PPARGC1A: variants seen among roughly 807,000 people sequenced by gnomAD.
PPARGC1A encodes the protein peroxisome proliferator-activated receptor gamma coactivator 1-alpha.
PPARGC1A carries 25 observed loss-of-function variants against 88.7 expected under a neutral mutation model. The ratio of observed to expected loss-of-function variants is 0.28; its 90% CI spans 0.21 to 0.39. The LOEUF is 0.39. Ranked by LOEUF, PPARGC1A falls within the 10% of genes least tolerant of loss-of-function variation. The pLI is 1.00. For missense variants in PPARGC1A, 880 were observed against 968.7 expected (o/e 0.91, Z 1.22); for synonymous variants, 363 against 355.6 (o/e 1.02, Z -0.24).
At chr4:23,917,376 C>CT in the PPARGC1A span, among the ~76,000 whole-genome samples, 158 of 132,502 alleles carry the variant, frequency 1.2e-3, no homozygotes, top group East Asian at 0.01. Context: ...TTCTTTCTTT[C>CT]TTTTTTTTTT....
the PPARGC1A span, among the ~76,000 whole-genome samples, chr4:24,013,869 G>T: frequency 6.6e-6 from 1 of 152,148 alleles, no homozygotes; most frequent in African/African-American, 2.4e-5. Flanking sequence ...CTTGGGGAAG[G>T]ACCAAGTTTC....
intron 2 of PPARGC1A, among the ~76,000 whole-genome samples, chr4:23,847,372 C>T (rs60762201): frequency 6.6e-6 from 1 of 152,104 alleles, no homozygotes; most frequent in African/African-American, 2.4e-5. Flanking sequence ...AGTCTTCTTT[C>T]CTGAGTCACA....
intron 2 of PPARGC1A, among the ~76,000 whole-genome samples, chr4:23,848,314 A>G (rs1728672091): frequency 6.6e-6 from 1 of 152,212 alleles, no homozygotes; most frequent in Non-Finnish European, 1.5e-5. Flanking sequence ...GTAGACTATA[A>G]CAACCGGCAT....
the PPARGC1A span, among the ~76,000 whole-genome samples, chr4:23,995,576 G>A: frequency 1.1e-4 from 16 of 152,206 alleles, no homozygotes; most frequent in East Asian, 5.8e-4. Flanking sequence ...ATCCAACTGC[G>A]TGTACCTCCT....
chr4:24,097,243 T>C, the PPARGC1A span, among the ~76,000 whole-genome samples: 1 of 152,120 alleles, frequency 6.6e-6, no homozygotes, highest in Admixed American at 6.5e-5. Context: ...TAGATGCAAA[T>C]ATTCAATCTA....
the PPARGC1A span, among the ~76,000 whole-genome samples, chr4:24,172,237 G>A: frequency 4.7e-4 from 72 of 152,288 alleles, no homozygotes; most frequent in African/African-American, 1.6e-3. Flanking sequence ...TTTGCCACCT[G>A]GAAGAAAATA....
chr4:23,875,922 G>A (rs952406782), intron 2 of PPARGC1A: 1 of 152,248 alleles, frequency 6.6e-6, no homozygotes, highest in South Asian at 2.1e-4. Flanking sequence ...CAGCTCTGCT[G>A]TTCACACAGT....
the PPARGC1A span, among the ~76,000 whole-genome samples, chr4:23,967,465 C>T: frequency 3.3e-5 from 5 of 152,144 alleles, no homozygotes; most frequent in South Asian, 2.1e-4. Context: ...ATGCAGACAA[C>T]AGCAGCTCCA....
the PPARGC1A span, among the ~76,000 whole-genome samples, chr4:24,419,667 C>A: frequency 6.6e-6 from 1 of 151,882 alleles, no homozygotes; most frequent in Non-Finnish European, 1.5e-5. Flanking sequence ...GAAAAAGCAA[C>A]TTTTATCTGC....
chr4:24,118,432 T>C, the PPARGC1A span, among the ~76,000 whole-genome samples: 3 of 152,178 alleles, frequency 2.0e-5, no homozygotes, highest in Non-Finnish European at 2.9e-5. Context: ...GAAAACACTT[T>C]TAACTCAACT....
the PPARGC1A span, among the ~76,000 whole-genome samples, chr4:24,138,777 ACAT>A: frequency 6.6e-6 from 1 of 152,190 alleles, no homozygotes; most frequent in African/African-American, 2.4e-5. Context: ...TCAACTAAAA[ACAT>A]CAGCAGAAAT....
chr4:24,430,389 C>G, the PPARGC1A span, among the ~76,000 whole-genome samples: 1 of 151,556 alleles, frequency 6.6e-6, no homozygotes, highest in Non-Finnish European at 1.5e-5. Flanking sequence ...TCCCGAGTAG[C>G]TGGGACTGCA....
At chr4:23,923,089 C>T in the PPARGC1A span, among the ~76,000 whole-genome samples, 128 of 149,398 alleles carry the variant, frequency 8.6e-4, no homozygotes, top group Non-Finnish European at 1.6e-3. Context: ...AACAATAGAG[C>T]CTTTAGTACA....
chr4:24,277,520 G>A, the PPARGC1A span, among the ~76,000 whole-genome samples: 1 of 34,454 alleles, frequency 2.9e-5, no homozygotes, highest in Admixed American at 2.9e-4. Flanking sequence ...GACCATTTTA[G>A]CTGCTCTCTG....
the PPARGC1A span, among the ~76,000 whole-genome samples, chr4:24,142,460 G>C: frequency 6.6e-6 from 1 of 151,916 alleles, no homozygotes. Flanking sequence ...ATCGCTTTGA[G>C]CTCAGGAGTT....
intron 1 of PPARGC1A, among the ~76,000 whole-genome samples, chr4:23,896,217 T>G (rs1718586046): frequency 6.6e-6 from 1 of 152,090 alleles, no homozygotes; most frequent in African/African-American, 2.4e-5. Flanking sequence ...AAGTACTTTT[T>G]ACGTTCCTTT....
the PPARGC1A span, among the ~76,000 whole-genome samples, chr4:24,331,767 T>TTATA: frequency 0.38 from 54,713 of 143,272 alleles, 10,262 homozygotes; most frequent in South Asian, 0.46. Context: ...TGTGTTTATT[T>TTATA]TATATATATA....
chr4:24,303,698 T>C, the PPARGC1A span, among the ~76,000 whole-genome samples: 1 of 152,244 alleles, frequency 6.6e-6, no homozygotes, highest in Non-Finnish European at 1.5e-5. Context: ...AAATCAATTT[T>C]AATCACAATT....
At chr4:24,217,442 G>A in the PPARGC1A span, among the ~76,000 whole-genome samples, 2 of 152,170 alleles carry the variant, frequency 1.3e-5, no homozygotes, top group South Asian at 2.1e-4. Context: ...TTGTTCGGAT[G>A]GAAGAGCATG....
Sources: gnomAD v4.1 joint callset for allele counts (sites outside exome capture counted in the v4.1 genomes callset) on GRCh38, gnomAD v4.1.1 for gene constraint, MANE v1.5 for transcripts, NCBI Gene and HGNC (gene_info 2026-07-23, HGNC 2026-07-21) for gene names.